The following PFKFB2 variants were observed in gnomAD, a reference collection of about 807,000 sequenced individuals.
The protein encoded by PFKFB2 is 6-phosphofructo-2-kinase/fructose-2,6-bisphosphatase 2.
PFKFB2 carries 53 observed loss-of-function variants against 68.0 expected under a neutral mutation model. The observed-to-expected ratio is 0.78, with a 90% CI of 0.63 to 0.98. The LOEUF is 0.98. Among genes scored for constraint, PFKFB2 ranks in the 50% least tolerant of loss-of-function variants. The pLI is 0.00. For synonymous variants in PFKFB2, 222 were observed against 227.6 expected, an observed-to-expected ratio of 0.98 and a Z score of 0.22; for missense variants, 451 against 642.0, an observed-to-expected ratio of 0.70 and a Z score of 3.22.
chr1:207,053,117 C>T (rs1682803004), upstream of PFKFB2: 1 of 152,342 alleles, frequency 6.6e-6, no homozygotes, highest in Admixed American at 6.5e-5. Context: ...GTTCCGACTT[C>T]CAGCCGCCTT....
At position 207,065,135 on chromosome 1, in the gene PFKFB2, C is replaced by A. The variant is rs1211043109; in HGVS notation, c.607C>A (p.Pro203Thr). 1.2e-6 allele frequency: 2 copies of A among 1,613,798 alleles called. No individual in the cohort carries two copies. Among genetic ancestry groups the A allele is most frequent in the East Asian group, 2.2e-5 (1 of 44,880 alleles). The change falls in exon 8 of 15, where the codon CCT becomes ACT. Residue 203 changes from proline (P) to threonine (T), a missense_variant. By Grantham distance (38) the Pro-to-Thr change is conservative (BLOSUM62 -1). Transcript: ENST00000367080. ...TGAATGCTACAAAGTTACCTACCGA[C>A]CTCTTGACCCAGACAACTATGACAA... ...RIECYKVTYRPLDPDNYDKDL... is the reference protein window; with the variant it reads ...RIECYKVTYRTLDPDNYDKDL...
chr1:207,062,564 A>G (rs1456063761), intron 3 of PFKFB2, 56 bp from the exon 4 acceptor site: 1 of 1,591,812 alleles, frequency 6.3e-7, no homozygotes, highest in Non-Finnish European at 8.5e-7. Context: ...AACAAGTCCC[A>G]TTTGGTGGGG....
At chr1:207,044,326 A>C (rs1303531565) in intron 2 of PFKFB2, 11 of 152,612 alleles carry the variant, frequency 7.2e-5, no homozygotes, top group Non-Finnish European at 5.9e-5. Flanking sequence ...CTATTCTGCT[A>C]AGTACATATT....
chr1:207,057,302 C>CAAAAA (rs748726221), intron 2 of PFKFB2, among the ~76,000 whole-genome samples: 4 of 40,402 alleles, frequency 9.9e-5, no homozygotes, highest in Non-Finnish European at 1.5e-4. Flanking sequence ...AAAAAAACTA[C>CAAAAA]AAAAAAAAAA....
Position 207,070,886 on chromosome 1 carries a change from T to G in PFKFB2, c.1223-302T>G. On this transcript the variant is annotated intron_variant, in intron 12 of 14. Transcript: ENST00000367080. The surrounding 1 kb of genome is among the most constrained non-coding windows in gnomAD (Gnocchi z 4.2). ...GCATCCTGAGCTGCTTGGAAGCTGT[T>G]GTGGTCAGACCTTATTGGCCTTTGC... The G allele has an allele frequency of 6.1e-6, 2 of 327,804 alleles. No homozygotes were observed. The highest frequency in any genetic ancestry group is 7.0e-5 in the East Asian group (1 of 14,244). 20.3% of individuals were successfully genotyped at this position (327,804 alleles called of 1,614,324 possible).
At chr1:207,079,318 C>T (rs1266410156), downstream of PFKFB2, 1 of 459,554 alleles carries the variant, frequency 2.2e-6, no homozygotes, top group Non-Finnish European at 4.0e-6. Context: ...TCTGTATAGG[C>T]ATTTAACATC....
At chr1:207,034,945 G>A in intron 1 of PFKFB2, 1 of 155,344 alleles carries the variant, frequency 6.4e-6, no homozygotes, top group Non-Finnish European at 1.4e-5. Context: ...TTTTTGCTTA[G>A]AAATATACCA....
intron 8 of PFKFB2, among the ~76,000 whole-genome samples, chr1:207,066,941 C>T (rs1460708129): frequency 6.6e-6 from 1 of 152,254 alleles, no homozygotes; most frequent in South Asian, 2.1e-4. Flanking sequence ...CATGAGCTAC[C>T]GCATCCAGCC....
At chr1:207,050,317 C>T (rs573648032), upstream of PFKFB2, among the ~76,000 whole-genome samples, 5 of 152,198 alleles carry the variant, frequency 3.3e-5, no homozygotes, top group African/African-American at 1.2e-4. Context: ...AAAAATCCTG[C>T]ACCCTTGAGA....
chr1:207,072,011 T>C (rs888113082), intron 14 of PFKFB2, among the ~76,000 whole-genome samples, 193 bp from the exon 15 acceptor site: 1 of 152,208 alleles, frequency 6.6e-6, no homozygotes, highest in Admixed American at 6.5e-5. Flanking sequence ...TGGAATGTTA[T>C]GCTCAAGGAG....
intron 2 of PFKFB2, among the ~76,000 whole-genome samples, chr1:207,057,302 CAA>C (rs748726221): frequency 1.9e-3 from 76 of 40,400 alleles, no homozygotes; most frequent in African/African-American, 4.2e-3. Context: ...AAAAAAACTA[CAA>C]AAAAAAAAAA....
intron 10 of PFKFB2, among the ~76,000 whole-genome samples, chr1:207,068,709 T>G (rs1051322285): frequency 3.9e-5 from 6 of 152,318 alleles, no homozygotes; most frequent in Admixed American, 3.3e-4. Context: ...AAATTTCTCT[T>G]GGCTTTCTCT....
At position 207,061,077 on chromosome 1, in the gene PFKFB2, T is replaced by TTA. The variant is rs1431559689; in HGVS notation, c.86-870_86-869dup. The stretch of plus-strand genomic sequence containing the variant: ...TTTATATATATCTTTATATATATCT[T>TTA]TATATATCTTTATATATATCTTTAT... On this transcript the variant is annotated intron_variant, in intron 2 of 14. Coordinates refer to ENST00000367080, the MANE Select transcript of PFKFB2 (RefSeq NM_006212.2). 1.0e-4 allele frequency: 9 copies of TTA among 85,804 alleles called. 1 individual carries two copies. Among genetic ancestry groups the TTA allele is most frequent in the African/African-American group, 3.4e-4 (8 of 23,620 alleles). The allele number at this position is 85,804 out of a possible 1,614,324, so 5.3% of individuals were successfully genotyped here. A position where few individuals can be genotyped will look rare whatever the true frequency, so the allele number is the denominator to read the frequency against.
chr1:207,063,371 C>A lies in PFKFB2; in HGVS notation c.400C>A (p.Arg134=). The part of the protein sequence containing the change: ...IAVFDATNTT[R]ERRDMILNFA... ...GGTGTTTGATGCCACCAATACAACCCGGGAGAGGAGGGACATGATTTTGAA... is the reference window on the plus strand; with the variant it reads ...GGTGTTTGATGCCACCAATACAACCAGGGAGAGGAGGGACATGATTTTGAA... The change falls in exon 6 of 15, where the codon CGG becomes AGG. Residue 134 remains arginine (R), a synonymous_variant. Transcript: ENST00000367080. The surrounding 1 kb of genome is among the most constrained non-coding windows in gnomAD (Gnocchi z 4.1). 1 of 1,613,606 alleles carries A rather than the reference C, an allele frequency of 6.2e-7. No homozygotes were observed. Among genetic ancestry groups the A allele is most frequent in the Non-Finnish European group, 8.5e-7 (1 of 1,179,624 alleles).
In PFKFB2 at chr1:207,074,423, A is replaced by G; in HGVS notation, c.*2052A>G. On this transcript the variant is annotated 3_prime_UTR_variant, in exon 15 of 15. Transcript: ENST00000367080. Reference sequence around the variant, plus strand: ...TGTGGAACAAATCACTGAATTAAATAATTGTCTCTAGAGAGCAGCTGGGGA... The same window carrying G: ...TGTGGAACAAATCACTGAATTAAATGATTGTCTCTAGAGAGCAGCTGGGGA... 2.0e-6 allele frequency: 2 copies of G among 985,420 alleles called. No individual in the cohort carries two copies. The highest frequency in any genetic ancestry group is 9.4e-5 in the South Asian group (2 of 21,272). 61.0% of individuals were successfully genotyped at this position (985,420 alleles called of 1,614,324 possible). A position where few individuals can be genotyped will look rare whatever the true frequency, so the allele number is the denominator to read the frequency against.
chr1:207,040,481 A>G (rs1431413329), intron 1 of PFKFB2, among the ~76,000 whole-genome samples: 1 of 152,044 alleles, frequency 6.6e-6, no homozygotes, highest in Non-Finnish European at 1.5e-5. Flanking sequence ...CTACTAAAGC[A>G]AAGAGAGAGA....
chr1:207,065,060 T>C lies in PFKFB2; in HGVS notation c.532T>C (p.Tyr178His), dbSNP rs1226607777. The C allele has an allele frequency of 1.9e-6, 3 of 1,614,054 alleles. No homozygotes were observed. The highest frequency in any genetic ancestry group is 2.7e-5 in the African/African-American group (2 of 75,026). ...GGAGGTTAAGGTATCAAGCCCTGAC[T>C]ATCCTGAAAGGAACAGAGAGAACGT... is the stretch of plus-strand genomic sequence containing the variant. ...ILEVKVSSPDYPERNRENVME... is the reference protein window; with the variant it reads ...ILEVKVSSPDHPERNRENVME... The change falls in exon 8 of 15, where the codon TAT becomes CAT. Residue 178 changes from tyrosine to histidine, a missense_variant. Coordinates refer to ENST00000367080, the MANE Select transcript of PFKFB2 (RefSeq NM_006212.2).
At chr1:207,052,416 C>G (rs1268323308), upstream of PFKFB2, 1 of 533,088 alleles carries the variant, frequency 1.9e-6, no homozygotes. Flanking sequence ...AATCCCAGCA[C>G]TTTGGGAGGC....
intron 1 of PFKFB2, among the ~76,000 whole-genome samples, chr1:207,040,772 T>C (rs1231223062): frequency 6.6e-6 from 1 of 152,172 alleles, no homozygotes; most frequent in Non-Finnish European, 1.5e-5. Context: ...CCAGTAAGTA[T>C]ACACTTTGCC....
Sources: gnomAD v4.1 joint callset for allele counts (sites outside exome capture counted in the v4.1 genomes callset) on GRCh38, gnomAD v4.1.1 for gene constraint, Gnocchi (gnomAD v3.1) non-coding constraint, MANE v1.5 for transcripts, NCBI Gene and HGNC (gene_info 2026-07-23, HGNC 2026-07-21) for gene names.